OLFM4: variants seen among roughly 807,000 people sequenced by gnomAD.
OLFM4 encodes olfactomedin 4.
Under a neutral mutation model 25.5 loss-of-function variants are expected in OLFM4, and 22 were observed. That is an observed-to-expected ratio of 0.86 (90% CI 0.62 to 1.23). The LOEUF is 1.23. Among genes scored for constraint, OLFM4 ranks in the 50% most tolerant of loss-of-function variants. The pLI is 0.00. For synonymous variants in OLFM4, 255 were observed against 237.7 expected, an observed-to-expected ratio of 1.07 and a Z score of -0.67; for missense variants, 594 against 619.4, an observed-to-expected ratio of 0.96 and a Z score of 0.44.
intron 2 of OLFM4, among the ~76,000 whole-genome samples, chr13:53,039,149 A>G (rs1376383204): frequency 6.6e-6 from 1 of 152,230 alleles, no homozygotes; most frequent in Non-Finnish European, 1.5e-5. Context: ...TCATTTTTGT[A>G]GAACAACAGC....
chr13:53,036,517 G>C (rs1324707887), intron 2 of OLFM4, among the ~76,000 whole-genome samples: 1 of 152,136 alleles, frequency 6.6e-6, no homozygotes, highest in Non-Finnish European at 1.5e-5. Flanking sequence ...TTCCAATACT[G>C]TACGGGGGGC....
chr13:53,044,589 T>C (rs544972155), intron 4 of OLFM4, among the ~76,000 whole-genome samples: 1 of 152,300 alleles, frequency 6.6e-6, no homozygotes, highest in South Asian at 2.1e-4. Flanking sequence ...TGTCCTACTA[T>C]GACAGGTGTC....
chr13:53,042,061 T>C lies in OLFM4; in HGVS notation c.509T>C (p.Val170Ala). 1.9e-6 allele frequency: 3 copies of C among 1,614,036 alleles called. No individual in the cohort carries two copies. Among genetic ancestry groups the C allele is most frequent in the Non-Finnish European group, 1.7e-6 (2 of 1,179,966 alleles). Reference protein sequence around the residue: ...KVEVKEMEKLVIQLKESFGGS... With the variant: ...KVEVKEMEKLAIQLKESFGGS... ...GAAGTGAAGGAGATGGAAAAACTGG[T>C]CATACAGCTGAAGGAGAGTTTTGGT... Residue 170 changes from valine to alanine, a missense_variant, in exon 3 of 5, where the codon GTC becomes GCC. Physicochemically the swap from Val to Ala is moderately conservative, Grantham distance 64. Transcript: ENST00000219022.
At position 53,050,036 on chromosome 13, in the gene OLFM4, G is replaced by A; in HGVS notation, c.798G>A (p.Gly266=). The change falls in exon 5 of 5, where the codon GGG becomes GGA. Residue 266 remains glycine (G), a synonymous_variant. Transcript: ENST00000219022. Reference sequence around the variant, plus strand: ...CTGTGGTTCAGCTCAACTGGAGAGGGTTTTCTTATCTATATGGTGCTTGGG... The same window carrying A: ...CTGTGGTTCAGCTCAACTGGAGAGGATTTTCTTATCTATATGGTGCTTGGG... ...KPSVVQLNWR[G]FSYLYGAWGR... The A allele has an allele frequency of 3.1e-6, 5 of 1,613,764 alleles. No homozygotes were observed. The highest frequency in any genetic ancestry group is 4.2e-6 in the Non-Finnish European group (5 of 1,179,754).
At chr13:53,036,500 C>A (rs1479044143) in intron 2 of OLFM4, among the ~76,000 whole-genome samples, 3 of 152,068 alleles carry the variant, frequency 2.0e-5, no homozygotes, top group Non-Finnish European at 1.5e-5. Context: ...GAATATGGGA[C>A]ATTTAATTCC....
At chr13:53,047,447 G>T (rs536153961) in intron 4 of OLFM4, among the ~76,000 whole-genome samples, 1 of 152,232 alleles carries the variant, frequency 6.6e-6, no homozygotes, top group Admixed American at 6.5e-5. Flanking sequence ...CACATTTGTA[G>T]CATTGGCAGC....
chr13:53,050,378 G>T lies in OLFM4; in HGVS notation c.1140G>T (p.Trp380Cys). Residue 380 changes from tryptophan (W) to cysteine (C), a missense_variant, in exon 5 of 5, where the codon TGG (tryptophan) becomes TGT (cysteine). Coordinates refer to ENST00000219022, the MANE Select transcript of OLFM4 (RefSeq NM_006418.5). Reference sequence around the variant, plus strand: ...GCTTTTCATATGCTAATGTTGCTTGGCAAGATATTGACTTTGCTGTGGATG... The same window carrying T: ...GCTTTTCATATGCTAATGTTGCTTGTCAAGATATTGACTTTGCTGTGGATG... The part of the protein sequence containing the change: ...NNRFSYANVA[W>C]QDIDFAVDEN... 6.2e-7 allele frequency: 1 copy of T among 1,613,984 alleles called. No homozygotes were observed. Among genetic ancestry groups the T allele is most frequent in the Non-Finnish European group, 8.5e-7 (1 of 1,179,974 alleles).
chr13:53,043,109 G>A lies in OLFM4; in HGVS notation c.575G>A (p.Arg192Lys), dbSNP rs776287962. The change falls in exon 4 of 5, where the codon AGA (arginine) becomes AAA (lysine). Residue 192 changes from arginine to lysine, a missense_variant. Arg to Lys is a conservative substitution (Grantham distance 26). Coordinates refer to ENST00000219022, the MANE Select transcript of OLFM4 (RefSeq NM_006418.5). Reference protein sequence around the residue: ...EIVDQLEVEIRNMTLLVEKLE... With the variant: ...EIVDQLEVEIKNMTLLVEKLE... ...TCTGAATTTTTATTTCCTTAGATAA[G>A]AAATATGACTCTCTTGGTAGAGAAG... 6.3e-7 allele frequency: 1 copy of A among 1,588,200 alleles called. No homozygotes were observed. Among genetic ancestry groups the A allele is most frequent in the African/African-American group, 1.4e-5 (1 of 73,144 alleles).
intron 1 of OLFM4, among the ~76,000 whole-genome samples, chr13:53,031,778 G>C (rs984604112): frequency 2.0e-5 from 3 of 152,196 alleles, no homozygotes; most frequent in Non-Finnish European, 4.4e-5. Context: ...CACGTGCTTA[G>C]GGAAAACCTA....
intron 1 of OLFM4, among the ~76,000 whole-genome samples, chr13:53,032,867 G>C (rs1208822476): frequency 6.6e-6 from 1 of 152,150 alleles, no homozygotes; most frequent in Non-Finnish European, 1.5e-5. Context: ...CATTATGGAG[G>C]TTGGTGGCCA....
chr13:53,037,174 A>T (rs998407635), intron 2 of OLFM4, among the ~76,000 whole-genome samples: 31 of 152,244 alleles, frequency 2.0e-4, no homozygotes, highest in Admixed American at 7.8e-4. Flanking sequence ...ATTGTCTGTC[A>T]GTACACAGAG....
Position 53,042,122 on chromosome 13 carries a change from G to A in OLFM4, c.570G>A (p.Glu190=). 3 of 1,613,346 alleles carry A rather than the reference G, an allele frequency of 1.9e-6. No homozygotes were observed. The highest frequency in any genetic ancestry group is 2.5e-6 in the Non-Finnish European group (3 of 1,179,536). The change falls in exon 3 of 5, where the codon GAG becomes GAA. Residue 190 remains glutamate (E), a splice_region_variant and synonymous_variant. Coordinates refer to ENST00000219022, the MANE Select transcript of OLFM4 (RefSeq NM_006418.5). ...AAATTGTTGACCAGCTGGAGGTGGAGGTAAGGAGTGAACTCACTTCTTGGT... is the reference window on the plus strand; with the variant it reads ...AAATTGTTGACCAGCTGGAGGTGGAAGTAAGGAGTGAACTCACTTCTTGGT... ...SSEIVDQLEV[E]IRNMTLLVEK... is the part of the protein sequence containing the mutation.
chr13:53,039,107 ATTTTAT>A (rs1954674460), intron 2 of OLFM4, among the ~76,000 whole-genome samples: 1 of 152,198 alleles, frequency 6.6e-6, no homozygotes, highest in South Asian at 2.1e-4. Context: ...GGAGAACCAC[ATTTTAT>A]TTAGCAGAGA....
chr13:53,042,722 G>A (rs9536346), intron 3 of OLFM4, among the ~76,000 whole-genome samples: 70,118 of 151,996 alleles, frequency 0.46, 16,351 homozygotes, highest in Middle Eastern at 0.55. Context: ...TTCTAGTTAC[G>A]TATTTTAGAA....
intron 2 of OLFM4, among the ~76,000 whole-genome samples, chr13:53,035,913 A>G (rs1021703199): frequency 3.3e-5 from 5 of 152,172 alleles, no homozygotes; most frequent in Admixed American, 6.5e-5. Context: ...AAAAGTTCCT[A>G]TTTTCTGCAC....
At chr13:53,041,839 G>A (rs538402003) in intron 2 of OLFM4, 71 bp from the exon 3 acceptor site, 2 of 1,032,810 alleles carry the variant, frequency 1.9e-6, no homozygotes, top group Admixed American at 1.8e-5. Flanking sequence ...TCAACTCAAG[G>A]GCTCGGTAGT....
chr13:53,032,100 GAC>G (rs1207050746), intron 1 of OLFM4, among the ~76,000 whole-genome samples: 1 of 152,218 alleles, frequency 6.6e-6, no homozygotes, highest in Non-Finnish European at 1.5e-5. Flanking sequence ...ACAGCTTTGG[GAC>G]AGAGATGTTC....
intron 1 of OLFM4, among the ~76,000 whole-genome samples, chr13:53,032,734 T>C (rs1211574264): frequency 1.3e-5 from 2 of 152,028 alleles, no homozygotes; most frequent in Non-Finnish European, 2.9e-5. Flanking sequence ...ATTTTTTTTT[T>C]CTGCTCATCT....
chr13:53,046,840 G>A (rs1954718351), intron 4 of OLFM4, among the ~76,000 whole-genome samples: 1 of 152,204 alleles, frequency 6.6e-6, no homozygotes, highest in Admixed American at 6.5e-5. Context: ...AGAAGGTTAA[G>A]TAACTTGCTC....
Sources: allele counts gnomAD v4.1 joint callset (sites outside exome capture counted in the v4.1 genomes callset), GRCh38; gene constraint gnomAD v4.1.1; transcripts MANE v1.5; gene names NCBI Gene and HGNC (gene_info 2026-07-23, HGNC 2026-07-21).